CSGALNACT1: variants seen among roughly 807,000 people sequenced by gnomAD.
CSGALNACT1 encodes beta4GalNAcT-1.
A neutral mutation model predicts 51.0 loss-of-function variants in CSGALNACT1; 52 were observed. The observed-to-expected ratio is 1.02, with a 90% CI of 0.82 to 1.29. The LOEUF (loss-of-function observed/expected upper bound fraction) is 1.29. Among genes scored for constraint, CSGALNACT1 ranks in the 50% most tolerant of loss-of-function variants. The pLI is 0.00. For missense variants in CSGALNACT1, 935 were observed against 679.2 expected (o/e 1.38, Z -4.19); for synonymous variants, 341 against 254.4 (o/e 1.34, Z -3.24).
chr8:19,559,648 A>G (rs1006898770), intron 3 of CSGALNACT1, among the ~76,000 whole-genome samples: 3 of 152,188 alleles, frequency 2.0e-5, no homozygotes, highest in Non-Finnish European at 4.4e-5. Flanking sequence ...CTAAATTTCT[A>G]TGTATATAAA....
At position 19,666,887 on chromosome 8, in the gene CSGALNACT1, G is replaced by A. The variant is rs150810404; in HGVS notation, c.-544+15586C>T. 2.2e-3 allele frequency among the ~76,000 whole-genome samples: 275 copies of A among 125,006 alleles called. 10 individuals are homozygous for A. Among genetic ancestry groups the A allele is most frequent in the East Asian group, 0.018 (70 of 3,980 alleles). The allele number at this position is 125,006 out of a possible 152,430, so 82.0% of individuals were successfully genotyped here. A position where few individuals can be genotyped will look rare whatever the true frequency, so the allele number is the denominator to read the frequency against. On this transcript the variant is annotated intron_variant, in intron 1 of 9. Coordinates refer to the CSGALNACT1 transcript ENST00000332246. ...AAAGAAAGAAAGAAAGAAAGAAAGA[G>A]AGAGAGGAAGTGAGGAAGGGAGGAA...
At chr8:19,484,351 A>C (rs1222627239) in intron 4 of CSGALNACT1, among the ~76,000 whole-genome samples, 3 of 152,332 alleles carry the variant, frequency 2.0e-5, no homozygotes, top group Middle Eastern at 3.4e-3. Context: ...GGTACTATTC[A>C]GTTTCAGGTG....
At chr8:19,508,176 T>C (rs912949897) in intron 3 of CSGALNACT1, among the ~76,000 whole-genome samples, 3 of 152,174 alleles carry the variant, frequency 2.0e-5, no homozygotes, top group African/African-American at 7.2e-5. Context: ...TCAGGACCCT[T>C]GGGAGAAAAG....
At chr8:19,450,235 G>C (rs1246819436) in intron 5 of CSGALNACT1, among the ~76,000 whole-genome samples, 2 of 81,858 alleles carry the variant, frequency 2.4e-5, no homozygotes, top group Non-Finnish European at 4.7e-5. Context: ...GGGGGAGGGG[G>C]CAGGGAGGAA....
intron 1 of CSGALNACT1, among the ~76,000 whole-genome samples, chr8:19,610,289 CAAAAAAA>C (rs58262538): frequency 6.3e-5 from 3 of 47,656 alleles, no homozygotes; most frequent in Non-Finnish European, 1.2e-4. Context: ...GACTCCGTCT[CAAAAAAA>C]AAAAAAAAAA....
chr8:19,751,732 A>G (rs755234384), intron 1 of CSGALNACT1, among the ~76,000 whole-genome samples: 2 of 152,088 alleles, frequency 1.3e-5, no homozygotes, highest in African/African-American at 4.8e-5. Context: ...TAGAGTTCTC[A>G]TGAGATCTGG....
At chr8:19,465,100 C>G (rs2066373461) in intron 4 of CSGALNACT1, among the ~76,000 whole-genome samples, 1 of 152,170 alleles carries the variant, frequency 6.6e-6, no homozygotes, top group African/African-American at 2.4e-5. Context: ...ACTCACACCC[C>G]CATCAACAGA....
chr8:19,622,609 A>C (rs150854220), intron 1 of CSGALNACT1, among the ~76,000 whole-genome samples: 1 of 152,226 alleles, frequency 6.6e-6, no homozygotes, highest in South Asian at 2.1e-4. Flanking sequence ...ATGGAGTTAA[A>C]AGTATTTTAA....
At chr8:19,503,779 A>AG (rs1554637276) in intron 4 of CSGALNACT1, among the ~76,000 whole-genome samples, 4 of 148,592 alleles carry the variant, frequency 2.7e-5, no homozygotes, top group Admixed American at 6.6e-5. Flanking sequence ...CATATGAATG[A>AG]GTTTTTTTTT....
intron 3 of CSGALNACT1, chr8:19,531,827 A>T (rs2082825922): frequency 1.3e-5 from 2 of 152,270 alleles, no homozygotes; most frequent in Non-Finnish European, 2.9e-5. Flanking sequence ...ACTGTGATCC[A>T]GTGGTTCCTT....
At chr8:19,660,559 C>G (rs2058669771) in intron 1 of CSGALNACT1, among the ~76,000 whole-genome samples, 1 of 151,942 alleles carries the variant, frequency 6.6e-6, no homozygotes. Context: ...TAACTGTAGC[C>G]CCAACCAGAA....
chr8:19,549,328 G>A (rs4921660), intron 3 of CSGALNACT1, among the ~76,000 whole-genome samples: 8 of 151,944 alleles, frequency 5.3e-5, no homozygotes, highest in Admixed American at 1.3e-4. Context: ...ATGATGCACT[G>A]TCATTATAGT....
At chr8:19,438,038 A>G (rs2060666439) in intron 6 of CSGALNACT1, among the ~76,000 whole-genome samples, 1 of 152,032 alleles carries the variant, frequency 6.6e-6, no homozygotes, top group African/African-American at 2.4e-5. Context: ...TATCCATGGG[A>G]CTCATTTAAA....
At chr8:19,685,017 C>T (rs1050005327), upstream of CSGALNACT1, among the ~76,000 whole-genome samples, 1 of 152,140 alleles carries the variant, frequency 6.6e-6, no homozygotes, top group Non-Finnish European at 1.5e-5. Context: ...ATTAAGTTCA[C>T]ATTAAATAAC....
At chr8:19,616,108 TCATA>T in intron 1 of CSGALNACT1, among the ~76,000 whole-genome samples, 1 of 152,222 alleles carries the variant, frequency 6.6e-6, no homozygotes, top group East Asian at 1.9e-4. Flanking sequence ...GGCAGTGTTA[TCATA>T]CAATACTAGG....
exon 10 of CSGALNACT1, chr8:19,406,016 G>C: frequency 6.2e-7 from 1 of 1,614,186 alleles, no homozygotes; most frequent in Non-Finnish European, 8.5e-7. Flanking sequence ...AGATACTTGC[G>C]ATAAAGGTGC....
intron 2 of CSGALNACT1, among the ~76,000 whole-genome samples, chr8:19,597,217 C>T (rs1406324933): frequency 3.4e-5 from 5 of 148,794 alleles, no homozygotes; most frequent in East Asian, 4.0e-4. Flanking sequence ...TATGGATATA[C>T]ATACTGCATT....
At position 19,505,213 on chromosome 8, in the gene CSGALNACT1, C is replaced by A. The variant is rs369220608; in HGVS notation, c.622G>T (p.Asp208Tyr). Reference sequence around the variant, plus strand: ...ACAAAATGCTAACCTTCTATGAAATCAGAGGCCGTGTAAGGACGGTGATTG... The same window carrying A: ...ACAAAATGCTAACCTTCTATGAAATAAGAGGCCGTGTAAGGACGGTGATTG... The change falls in exon 4 of 10, where the codon GAT (aspartate) becomes TAT (tyrosine). Residue 208 changes from aspartate (D) to tyrosine (Y), a missense_variant. By Grantham distance (160) the Asp-to-Tyr change is radical (BLOSUM62 -3). Transcript: ENST00000454498. The A allele has an allele frequency of 3.3e-5, 54 of 1,614,048 alleles. No individual in the cohort carries two copies. The highest frequency in any genetic ancestry group is 1.1e-5 in the South Asian group (1 of 91,086).
chr8:19,506,226 G>A (rs142988728), intron 3 of CSGALNACT1, 96 bp from the exon 3 acceptor site: 5 of 411,924 alleles, frequency 1.2e-5, no homozygotes, highest in Admixed American at 3.0e-5. Context: ...TCCTGTGAGA[G>A]TTATGGCAAA....
Sources: gnomAD v4.1 joint callset for allele counts (sites outside exome capture counted in the v4.1 genomes callset) on GRCh38, gnomAD v4.1.1 for gene constraint, MANE v1.5 for transcripts, NCBI Gene and HGNC (gene_info 2026-07-23, HGNC 2026-07-21) for gene names.